Variants in FCRL1 observed in about 807,000 individuals in gnomAD.
The protein encoded by FCRL1 is Fc receptor like 1.
In FCRL1, 34 loss-of-function variants were observed where a neutral mutation model predicts 49.2. The observed-to-expected ratio is 0.69, with a 90% CI of 0.53 to 0.92. FCRL1 has a LOEUF of 0.92. Among genes scored for constraint, FCRL1 ranks in the 40% least tolerant of loss-of-function variants. The probability of loss-of-function intolerance (pLI) is 0.00; values close to 1 mark genes in which losing one functional copy is unlikely to be tolerated. For missense variants in FCRL1, 524 were observed against 524.1 expected, an observed-to-expected ratio of 1.00 and a Z score of 0.00; for synonymous variants, 218 against 201.6, an observed-to-expected ratio of 1.08 and a Z score of -0.69.
chr1:157,798,856 A>C (rs1571339341), intron 7 of FCRL1, among the ~76,000 whole-genome samples: 1 of 152,280 alleles, frequency 6.6e-6, no homozygotes, highest in South Asian at 2.1e-4. Flanking sequence ...CATGTATCTT[A>C]CCTACCCTAA....
Position 157,803,892 on chromosome 1 carries a change from A to G in FCRL1, c.272T>C (p.Met91Thr), listed in dbSNP as rs1162547935. 1 of 1,614,132 alleles carries G rather than the reference A, an allele frequency of 6.2e-7. No individual in the cohort carries two copies. Among genetic ancestry groups the G allele is most frequent in the Admixed American group, 1.7e-5 (1 of 60,020 alleles). Reference protein sequence around the residue: ...TGSYWCEAQTMASKVLRSRRS... With the variant: ...TGSYWCEAQTTASKVLRSRRS... ...CCTGCTCCTCAAGACTTTGGACGCC[A>G]TTGTCTGTGCCTCGCACCAGTATGA... The change falls in exon 3 of 11, where the codon ATG becomes ACG. Residue 91 changes from methionine to threonine, a missense_variant. Met to Thr is a moderately conservative substitution (Grantham distance 81, BLOSUM62 -1). Transcript: ENST00000368176.
Position 157,796,176 on chromosome 1 carries a change from A to G in FCRL1, c.1219-6T>C. The G allele has an allele frequency of 6.2e-7, 1 of 1,613,250 alleles. No individual in the cohort carries two copies. Among genetic ancestry groups the G allele is most frequent in the Non-Finnish European group, 8.5e-7 (1 of 1,179,250 alleles). On this transcript the variant is annotated splice_region_variant and splice_polypyrimidine_tract_variant and intron_variant, in intron 10 of 10. Transcript: ENST00000368176. ...GAATAGATGTCTAAGGAAACCTGGA[A>G]GCAAAGATTAGGACTAGAGCAGGGA... is the stretch of plus-strand genomic sequence containing the variant.
intron 7 of FCRL1, among the ~76,000 whole-genome samples, chr1:157,799,698 G>A (rs1322928353): frequency 1.3e-5 from 2 of 151,948 alleles, no homozygotes; most frequent in East Asian, 1.9e-4. Context: ...GCTAAATGAC[G>A]AGTTAATGGG....
intron 1 of FCRL1, 84 bp downstream of exon 1, chr1:157,819,923 T>A (rs1655561587): frequency 6.6e-6 from 10 of 1,515,444 alleles, no homozygotes; most frequent in Non-Finnish European, 9.2e-6. Flanking sequence ...AGAACCTTAG[T>A]CCTAAGAAGT....
At chr1:157,807,385 C>A (rs997605249) in intron 1 of FCRL1, among the ~76,000 whole-genome samples, 4 of 152,158 alleles carry the variant, frequency 2.6e-5, no homozygotes, top group African/African-American at 9.7e-5. Flanking sequence ...CACAGAGCAC[C>A]TGCCCACAGA....
intron 10 of FCRL1, among the ~76,000 whole-genome samples, chr1:157,796,449 AT>A (rs1235847758): frequency 6.6e-6 from 1 of 152,172 alleles, no homozygotes. Context: ...ATGGGCTGTC[AT>A]TTTTTAAAAG....
At chr1:157,814,794 C>T (rs529209975) in intron 1 of FCRL1, among the ~76,000 whole-genome samples, 1 of 151,802 alleles carries the variant, frequency 6.6e-6, no homozygotes, top group African/African-American at 2.4e-5. Context: ...AAATGGAGAA[C>T]AGGAATAGTT....
chr1:157,806,399 G>C (rs1170477204), intron 2 of FCRL1, among the ~76,000 whole-genome samples: 1 of 152,170 alleles, frequency 6.6e-6, no homozygotes, highest in Non-Finnish European at 1.5e-5. Flanking sequence ...GCACAAGATA[G>C]CAATTTTTAC....
rs966306887 is a variant in FCRL1, at chr1:157,797,120, C to T, written c.1199G>A (p.Gly400Glu). 4 of 1,613,722 alleles carry T rather than the reference C, an allele frequency of 2.5e-6. No individual in the cohort carries two copies. Among genetic ancestry groups the T allele is most frequent in the Middle Eastern group, 3.3e-4 (2 of 6,082 alleles). The change falls in exon 10 of 11, where the codon GGG (glycine) becomes GAG (glutamate). Residue 400 changes from glycine (G) to glutamate (E), a missense_variant. Physicochemically the swap from Gly to Glu is moderately conservative, Grantham distance 98 (BLOSUM62 -2). Coordinates refer to ENST00000368176, the MANE Select transcript of FCRL1 (RefSeq NM_052938.5). Reference protein sequence around the residue: ...EQESVAAETLGTHMEDKVSLD... With the variant: ...EQESVAAETLETHMEDKVSLD... Reference sequence around the variant, plus strand: ...TCTTACCTTGTCCTCCATATGTGTCCCCAGGGTTTCTGCTGTGGAGAAAAG... The same window carrying T: ...TCTTACCTTGTCCTCCATATGTGTCTCCAGGGTTTCTGCTGTGGAGAAAAG...
intron 1 of FCRL1, among the ~76,000 whole-genome samples, chr1:157,812,520 C>T (rs1654471438): frequency 1.3e-5 from 2 of 152,186 alleles, no homozygotes; most frequent in Admixed American, 6.5e-5. Flanking sequence ...TTCCCAGTAT[C>T]TGAGCCTTTG....
chr1:157,802,760 T>A, intron 3 of FCRL1, 96 bp from the exon 4 acceptor site: 4 of 1,281,086 alleles, frequency 3.1e-6, no homozygotes, highest in Non-Finnish European at 4.2e-6. Flanking sequence ...AGAGCATGAG[T>A]GAAGTCAATG....
At chr1:157,799,923 C>A in intron 7 of FCRL1, 135 bp downstream of exon 7, 1 of 503,258 alleles carries the variant, frequency 2.0e-6, no homozygotes, top group South Asian at 7.5e-5. Flanking sequence ...TCAAAGTTGC[C>A]AGTGGGAGAA....
At position 157,797,859 on chromosome 1, in the gene FCRL1, A is replaced by C. The variant is rs769569614; in HGVS notation, c.1186+9T>G. 3 of 1,614,078 alleles carry C rather than the reference A, an allele frequency of 1.9e-6. No homozygotes were observed. Among genetic ancestry groups the C allele is most frequent in the East Asian group, 2.2e-5 (1 of 44,888 alleles). Reference sequence around the variant, plus strand: ...AAGTCAGAGACAAATTTACTCCCCCATGTCTCACCTGCTACTGATTCCTGC... The same window carrying C: ...AAGTCAGAGACAAATTTACTCCCCCCTGTCTCACCTGCTACTGATTCCTGC... On this transcript the variant is annotated intron_variant, in intron 9 of 10. Coordinates refer to ENST00000368176, the MANE Select transcript of FCRL1 (RefSeq NM_052938.5).
intron 1 of FCRL1, 37 bp downstream of exon 1, chr1:157,819,970 T>C (rs1223043727): frequency 1.9e-6 from 3 of 1,613,190 alleles, no homozygotes; most frequent in South Asian, 1.1e-5. Flanking sequence ...CCAAGCATGA[T>C]TGCATCCCAT....
At chr1:157,802,345 TG>T (rs1652663026) in intron 4 of FCRL1, 31 bp downstream of exon 4, 1 of 1,604,826 alleles carries the variant, frequency 6.2e-7, no homozygotes. Flanking sequence ...AGTTTGTGAC[TG>T]GCTGGCTGAA....
At chr1:157,813,600 A>T (rs1016556031) in intron 1 of FCRL1, among the ~76,000 whole-genome samples, 1 of 152,128 alleles carries the variant, frequency 6.6e-6, no homozygotes, top group South Asian at 2.1e-4. Flanking sequence ...ATGGGACACC[A>T]TTAAGTGGGC....
intron 1 of FCRL1, among the ~76,000 whole-genome samples, chr1:157,809,955 G>A (rs1182273386): frequency 6.6e-6 from 1 of 151,720 alleles, no homozygotes; most frequent in Non-Finnish European, 1.5e-5. Flanking sequence ...CAAAGAAACT[G>A]AAAAGTAGCA....
At chr1:157,816,078 A>T (rs1654980523) in intron 1 of FCRL1, among the ~76,000 whole-genome samples, 1 of 151,898 alleles carries the variant, frequency 6.6e-6, no homozygotes, top group East Asian at 1.9e-4. Context: ...TAAAAGAAGA[A>T]AACACTTTCA....
Position 157,807,938 on chromosome 1 carries a change from C to G in FCRL1, c.32-816G>C, listed in dbSNP as rs527255688. 5.3e-5 allele frequency among the ~76,000 whole-genome samples: 8 copies of G among 152,236 alleles called. No homozygotes were observed. In the South Asian group the frequency reaches 1.5e-3, roughly 28 times the overall value. On this transcript the variant is annotated intron_variant, in intron 1 of 10. Coordinates refer to ENST00000368176, the MANE Select transcript of FCRL1 (RefSeq NM_052938.5). Reference sequence around the variant, plus strand: ...CAGAGTTTTTGTGAAGATTAAGGAGCTTAGACTAGTGCCTGGAATTTACTT... The same window carrying G: ...CAGAGTTTTTGTGAAGATTAAGGAGGTTAGACTAGTGCCTGGAATTTACTT...
Sources: allele counts gnomAD v4.1 joint callset (sites outside exome capture counted in the v4.1 genomes callset), GRCh38; gene constraint gnomAD v4.1.1; transcripts MANE v1.5; gene names NCBI Gene and HGNC (gene_info 2026-07-23, HGNC 2026-07-21).